SHB: variants seen among roughly 807,000 people sequenced by gnomAD.
SHB encodes the protein SH2 domain-containing adapter protein B.
SHB carries 20 observed loss-of-function variants against 52.3 expected under a neutral mutation model. The ratio of observed to expected loss-of-function variants is 0.38; its 90% CI spans 0.27 to 0.56. SHB has a LOEUF of 0.56. SHB is among the 20% of genes least tolerant of loss of function. The pLI is 0.71. For missense variants in SHB, 825 were observed against 723.3 expected, an observed-to-expected ratio of 1.14 and a Z score of -1.61; for synonymous variants, 397 against 316.5, an observed-to-expected ratio of 1.25 and a Z score of -2.70.
chr9:38,041,309 G>A (rs982606814), intron 1 of SHB, among the ~76,000 whole-genome samples: 6 of 152,222 alleles, frequency 3.9e-5, no homozygotes, highest in African/African-American at 1.4e-4. Context: ...CCACCAGTCA[G>A]GCGGGGGCTG....
At chr9:37,979,793 CTAA>C (rs1820701697) in intron 2 of SHB, among the ~76,000 whole-genome samples, 1 of 152,070 alleles carries the variant, frequency 6.6e-6, no homozygotes, top group Non-Finnish European at 1.5e-5. Context: ...CCCATCTCTA[CTAA>C]TAATACAAAA....
intron 1 of SHB, among the ~76,000 whole-genome samples, chr9:38,020,375 G>A (rs1821266792): frequency 6.6e-6 from 1 of 152,180 alleles, no homozygotes; most frequent in Non-Finnish European, 1.5e-5. Context: ...ATCCTTATCA[G>A]GAAAGCTTGG....
chr9:37,979,129 G>A (rs977716324), intron 2 of SHB, among the ~76,000 whole-genome samples: 5 of 152,200 alleles, frequency 3.3e-5, no homozygotes, highest in African/African-American at 9.7e-5. Flanking sequence ...TCCAGAGACC[G>A]ATCTCACAAG....
At chr9:37,950,596 C>T (rs957644104) in intron 4 of SHB, among the ~76,000 whole-genome samples, 1 of 152,138 alleles carries the variant, frequency 6.6e-6, no homozygotes. Context: ...AGGCACGGGG[C>T]GGTACTGTGG....
At chr9:38,017,174 C>T (rs555089417) in intron 1 of SHB, among the ~76,000 whole-genome samples, 1 of 152,248 alleles carries the variant, frequency 6.6e-6, no homozygotes, top group Non-Finnish European at 1.5e-5. Flanking sequence ...TCATCATAAA[C>T]TTGTCCTGGG....
chr9:38,025,195 C>T (rs1033448770), intron 1 of SHB, among the ~76,000 whole-genome samples: 3 of 152,232 alleles, frequency 2.0e-5, no homozygotes, highest in East Asian at 1.9e-4. Context: ...AACCACCCAT[C>T]GCTGTGGACA....
chr9:37,918,592 A>G lies in SHB; in HGVS notation c.*1229T>C, dbSNP rs1373094942. Among the ~76,000 whole-genome samples, 1 of 152,278 alleles carries G rather than the reference A, an allele frequency of 6.6e-6. No individual in the cohort carries two copies. Among genetic ancestry groups the G allele is most frequent in the African/African-American group, 2.4e-5 (1 of 41,544 alleles). On this transcript the variant is annotated 3_prime_UTR_variant, in exon 6 of 6. Transcript: ENST00000377707. ...GGGAGGTCAGGATTCTCCCTCCTCCATGGGCAGGGTGACAGCAAGGCCATG... is the reference window on the plus strand; with the variant it reads ...GGGAGGTCAGGATTCTCCCTCCTCCGTGGGCAGGGTGACAGCAAGGCCATG...
intron 2 of SHB, among the ~76,000 whole-genome samples, chr9:37,981,890 G>A (rs1452221699): frequency 1.3e-5 from 2 of 152,132 alleles, no homozygotes; most frequent in African/African-American, 4.8e-5. Flanking sequence ...TTCTGTGGGT[G>A]CAGTTTGTGG....
intron 5 of SHB, among the ~76,000 whole-genome samples, chr9:37,941,580 T>C (rs1487260587): frequency 6.6e-6 from 1 of 152,188 alleles, no homozygotes; most frequent in Admixed American, 6.5e-5. Context: ...GTGGGGGTCC[T>C]GAGGCAAGCA....
intron 1 of SHB, among the ~76,000 whole-genome samples, chr9:38,065,951 C>T (rs1329005896): frequency 6.6e-6 from 1 of 152,152 alleles, no homozygotes; most frequent in Non-Finnish European, 1.5e-5. Context: ...CTCCTCGATG[C>T]CACACCCCCC....
At chr9:37,984,805 C>T (rs982788495) in intron 2 of SHB, among the ~76,000 whole-genome samples, 3 of 152,174 alleles carry the variant, frequency 2.0e-5, no homozygotes, top group Non-Finnish European at 2.9e-5. Flanking sequence ...ACCATTCAAA[C>T]GTCTGCTGGA....
chr9:38,005,632 G>C (rs755179010), intron 2 of SHB, among the ~76,000 whole-genome samples: 5 of 152,188 alleles, frequency 3.3e-5, no homozygotes, highest in Non-Finnish European at 7.3e-5. Context: ...CGGAGCCTTA[G>C]GGAGAGTCCT....
intron 2 of SHB, among the ~76,000 whole-genome samples, chr9:37,986,988 T>C (rs1304203351): frequency 6.6e-6 from 1 of 152,186 alleles, no homozygotes; most frequent in Non-Finnish European, 1.5e-5. Context: ...GGGGCCACAC[T>C]CTAATGAGGT....
chr9:37,937,079 C>T (rs1164390974), intron 5 of SHB, among the ~76,000 whole-genome samples: 1 of 152,244 alleles, frequency 6.6e-6, no homozygotes, highest in African/African-American at 2.4e-5. Flanking sequence ...CTTTCTTTCT[C>T]CCTCGCTTTG....
intron 1 of SHB, among the ~76,000 whole-genome samples, chr9:38,051,072 T>G (rs1821732039): frequency 6.6e-6 from 1 of 152,174 alleles, no homozygotes; most frequent in African/African-American, 2.4e-5. Context: ...AAGAAAAGTT[T>G]CTCTGCCTTT....
Position 37,947,075 on chromosome 9 carries a change from G to A in SHB, c.1346+1560C>T, listed in dbSNP as rs558110315. On this transcript the variant is annotated intron_variant, in intron 5 of 5. Transcript: ENST00000377707. ...CTCTGGCTTTGGCCACCTTCTGCCC[G>A]GCCCCAGTTGCAGTTTAGCATATTG... is the stretch of plus-strand genomic sequence containing the variant. 1.6e-4 allele frequency among the ~76,000 whole-genome samples: 24 copies of A among 152,264 alleles called. 1 individual carries two copies. Among genetic ancestry groups the A allele is most frequent in the Admixed American group, 8.5e-4 (13 of 15,296 alleles).
chr9:38,032,582 A>G (rs1468817018), intron 1 of SHB, among the ~76,000 whole-genome samples: 3 of 151,914 alleles, frequency 2.0e-5, no homozygotes, highest in African/African-American at 7.3e-5. Context: ...CTGCCCTGTG[A>G]CTCCGGCACA....
rs1282539568 is a variant in SHB, at chr9:37,919,144, CTATTT to C, written c.*672_*676del. 6.6e-6 allele frequency: 1 copy of C among 152,650 alleles called. No homozygotes were observed. The highest frequency in any genetic ancestry group is 1.5e-5 in the Non-Finnish European group (1 of 68,040). 9.5% of individuals were successfully genotyped at this position (152,650 alleles called of 1,614,324 possible). ...AAGGATAAGGCTATATATTAAATGA[CTATTT>C]TATTTACACACCCTATTCATAAATA... On this transcript the variant is annotated 3_prime_UTR_variant, in exon 6 of 6. Transcript: ENST00000377707.
rs1324353024 is a variant in SHB, at chr9:38,069,213, C to T, written c.-568G>A. On this transcript the variant is annotated 5_prime_UTR_variant, in exon 1 of 6. Transcript: ENST00000377707. ...CGCGCCCGTGCCCGTCCCGGCGGCG[C>T]CTGTCGCTGCCACTGCCGCCGCCTC... 6.7e-6 allele frequency: 1 copy of T among 149,906 alleles called. No homozygotes were observed. The highest frequency in any genetic ancestry group is 1.5e-5 in the Non-Finnish European group (1 of 66,874). The allele number at this position is 149,906 out of a possible 1,614,324, so 9.3% of individuals were successfully genotyped here.
Sources: allele counts gnomAD v4.1 joint callset (sites outside exome capture counted in the v4.1 genomes callset), GRCh38; gene constraint gnomAD v4.1.1; transcripts MANE v1.5; gene names NCBI Gene and HGNC (gene_info 2026-07-23, HGNC 2026-07-21).